Variants in ANK2 observed in about 807,000 individuals in gnomAD.
ANK2 encodes the protein ankyrin-2.
Under a neutral mutation model 360.5 loss-of-function variants are expected in ANK2, and 83 were observed. The ratio of observed to expected loss-of-function variants is 0.23; its 90% CI spans 0.19 to 0.28. The LOEUF (loss-of-function observed/expected upper bound fraction) is 0.28, where lower values mean the gene tolerates loss of function less well. ANK2 is among the 10% of genes least tolerant of loss of function. ANK2 has a pLI of 1.00. For missense variants in ANK2, 4,201 were observed against 4,795.7 expected, an observed-to-expected ratio of 0.88 and a Z score of 3.66; for synonymous variants, 1,740 against 1,759.5, an observed-to-expected ratio of 0.99 and a Z score of 0.28.
In ANK2 at chr4:113,284,218, G is replaced by A. The variant is rs536155293; in HGVS notation, c.2079+1346G>A. Among the ~76,000 whole-genome samples, 418 of 152,264 alleles carry A rather than the reference G, an allele frequency of 2.7e-3. 2 individuals carry two copies. Among genetic ancestry groups the A allele is most frequent in the Non-Finnish European group, 3.9e-3 (265 of 68,022 alleles). Reference sequence around the variant, plus strand: ...AATCATTACAGTCTAGGGCATGGGCGTCCTTGTGACTGTTGACGTCATGTC... The same window carrying A: ...AATCATTACAGTCTAGGGCATGGGCATCCTTGTGACTGTTGACGTCATGTC... On this transcript the variant is annotated intron_variant, in intron 18 of 45. Coordinates refer to ENST00000357077, the MANE Select transcript of ANK2 (RefSeq NM_001148.6).
the ANK2 span, among the ~76,000 whole-genome samples, chr4:112,707,855 C>G: frequency 6.6e-6 from 1 of 152,144 alleles, no homozygotes; most frequent in Non-Finnish European, 1.5e-5. Context: ...ACTAGACACC[C>G]TATTTAGAAA....
At position 113,332,995 on chromosome 4, in the gene ANK2, G is replaced by C. The variant is rs796934414; in HGVS notation, c.3225-59G>C. Reference sequence around the variant, plus strand: ...GGTCACTTTGCAACAGAGTCGAGGTGCTTGTCTTGCTGTTAGTTAGCTCCT... The same window carrying C: ...GGTCACTTTGCAACAGAGTCGAGGTCCTTGTCTTGCTGTTAGTTAGCTCCT... On this transcript the variant is annotated intron_variant, in intron 28 of 45. Coordinates refer to ENST00000357077, the MANE Select transcript of ANK2 (RefSeq NM_001148.6). 6.4e-5 allele frequency: 103 copies of C among 1,611,174 alleles called. No homozygotes were observed. In the African/African-American group the frequency reaches 1.3e-3, roughly 20 times the overall value.
At chr4:113,214,309 A>G (rs2099061794) in intron 4 of ANK2, 2 of 1,032,882 alleles carry the variant, frequency 1.9e-6, no homozygotes, top group Admixed American at 1.8e-5. Flanking sequence ...TTGGGCACGC[A>G]TCGGGCACAG....
chr4:113,212,694 G>C lies in ANK2; in HGVS notation c.384+13585G>C, dbSNP rs200285747. On this transcript the variant is annotated intron_variant, in intron 4 of 45. Transcript: ENST00000357077. ...TCTCAGAGTTCTCATCTGTGATAGG[G>C]GGATCATAATAACAGTACCTTCAGC... Among the ~76,000 whole-genome samples, 15 of 152,260 alleles carry C rather than the reference G, an allele frequency of 9.9e-5. No homozygotes were observed. The East Asian group carries it at 2.9e-3, about 29-fold the overall frequency.
rs974261713 is a variant in ANK2, at chr4:113,276,237, G to A, written c.1683+1588G>A. On this transcript the variant is annotated intron_variant, in intron 15 of 45. Transcript: ENST00000357077. ...ATTACAGGAGTGAGCCACTGCACCCGGCCAAACAGCATTTTAAGAGTTCAG... is the reference window on the plus strand; with the variant it reads ...ATTACAGGAGTGAGCCACTGCACCCAGCCAAACAGCATTTTAAGAGTTCAG... Among the ~76,000 whole-genome samples, 6 of 152,016 alleles carry A rather than the reference G, an allele frequency of 3.9e-5. 1 individual carries two copies. Among genetic ancestry groups the A allele is most frequent in the South Asian group, 2.1e-4 (1 of 4,818 alleles).
intron 2 of ANK2, among the ~76,000 whole-genome samples, chr4:112,976,091 A>G (rs996568159): frequency 1.3e-5 from 2 of 151,446 alleles, no homozygotes; most frequent in Admixed American, 6.6e-5. Context: ...CAAATTCTCT[A>G]TGTCTTCCTT....
intron 14 of ANK2, among the ~76,000 whole-genome samples, chr4:113,268,754 T>C (rs1563295119): frequency 6.6e-6 from 1 of 152,206 alleles, no homozygotes; most frequent in Non-Finnish European, 1.5e-5. Context: ...AGGATGATTC[T>C]GGCCTCATAA....
Position 113,357,224 on chromosome 4 carries a change from C to A in ANK2, c.8606C>A (p.Ser2869Tyr), listed in dbSNP as rs776692426. Residue 2869 changes from serine (S) to tyrosine (Y), a missense_variant, in exon 38 of 46, where the codon TCT becomes TAT. Ser to Tyr is a moderately radical substitution (Grantham distance 144, BLOSUM62 -2). Around this residue, in one of 4 missense-constraint regions of ANK2, gnomAD observed 2,642 missense variants for 2,714.5 expected, o/e 0.97. Coordinates refer to ENST00000357077, the MANE Select transcript of ANK2 (RefSeq NM_001148.6). Reference sequence around the variant, plus strand: ...TTAGATGAAGACATATCTGCCACATCTTCTATTCAAAAAACAGAGGTCACA... The same window carrying A: ...TTAGATGAAGACATATCTGCCACATATTCTATTCAAAAAACAGAGGTCACA... ...KELDEDISAT[S>Y]SIQKTEVTKT... 3 of 1,614,048 alleles carry A rather than the reference C, an allele frequency of 1.9e-6. No homozygotes were observed. In the Admixed American group the frequency reaches 5.0e-5, roughly 27 times the overall value.
upstream of ANK2, among the ~76,000 whole-genome samples, chr4:113,046,145 C>A (rs1044774320): frequency 5.3e-5 from 8 of 152,074 alleles, no homozygotes; most frequent in African/African-American, 1.9e-4. Context: ...GATGACTGCC[C>A]AAACACTTAT....
chr4:113,333,353 G>A, intron 29 of ANK2, 145 bp downstream of exon 29: 1 of 1,113,010 alleles, frequency 9.0e-7, no homozygotes. Flanking sequence ...TTTTACTACA[G>A]CAGGTAATCT....
At chr4:112,812,264 G>A in the ANK2 span, among the ~76,000 whole-genome samples, 1 of 152,062 alleles carries the variant, frequency 6.6e-6, no homozygotes, top group African/African-American at 2.4e-5. Flanking sequence ...ATATATTCAA[G>A]TGTGTCACTC....
chr4:112,744,560 G>A, the ANK2 span, among the ~76,000 whole-genome samples: 41 of 152,088 alleles, frequency 2.7e-4, no homozygotes, highest in Middle Eastern at 3.4e-3. Context: ...ATGTTGGCCA[G>A]GCTGGTCTCA....
At chr4:112,884,444 G>A (rs1580472904) in intron 1 of ANK2, among the ~76,000 whole-genome samples, 2 of 152,132 alleles carry the variant, frequency 1.3e-5, no homozygotes, top group East Asian at 1.9e-4. Context: ...TTTTATGGGT[G>A]TTAAAATTTG....
At chr4:113,061,417 C>A (rs1021066731) in intron 1 of ANK2, among the ~76,000 whole-genome samples, 2 of 151,998 alleles carry the variant, frequency 1.3e-5, no homozygotes, top group African/African-American at 4.8e-5. Flanking sequence ...TTTTGGTAAC[C>A]TTTATTTATA....
chr4:113,111,183 C>T (rs2094254944), intron 1 of ANK2, among the ~76,000 whole-genome samples: 2 of 151,986 alleles, frequency 1.3e-5, no homozygotes, highest in South Asian at 4.2e-4. Flanking sequence ...TAGTTCTGTC[C>T]CAATTAGGAG....
chr4:113,043,248 C>G (rs186766344), intron 2 of ANK2, among the ~76,000 whole-genome samples: 109 of 152,232 alleles, frequency 7.2e-4, no homozygotes, highest in African/African-American at 2.6e-3. Context: ...GCCCATGATC[C>G]TCACTTTAGC....
At chr4:113,134,876 A>T (rs976508228) in intron 1 of ANK2, among the ~76,000 whole-genome samples, 1 of 152,216 alleles carries the variant, frequency 6.6e-6, no homozygotes, top group East Asian at 1.9e-4. Flanking sequence ...ATGAAGTCAG[A>T]TCAATTTTAT....
At chr4:113,175,612 A>T (rs1411173353) in intron 2 of ANK2, among the ~76,000 whole-genome samples, 1 of 152,194 alleles carries the variant, frequency 6.6e-6, no homozygotes, top group East Asian at 1.9e-4. Flanking sequence ...AATCTTGTCC[A>T]CTTTGATCAA....
chr4:112,889,556 TC>T (rs1191417371), intron 1 of ANK2, among the ~76,000 whole-genome samples: 3 of 151,942 alleles, frequency 2.0e-5, no homozygotes, highest in African/African-American at 7.2e-5. Context: ...TCTATTTTTT[TC>T]CTTGTTCTTT....
Sources: allele counts gnomAD v4.1 joint callset (sites outside exome capture counted in the v4.1 genomes callset), GRCh38; gene constraint gnomAD v4.1.1; regional missense constraint gnomAD v4.1.1; transcripts MANE v1.5; gene names NCBI Gene and HGNC (gene_info 2026-07-23, HGNC 2026-07-21).